Variants in ITPKB observed in about 807,000 individuals in gnomAD.
The protein encoded by ITPKB is inositol-trisphosphate 3-kinase B.
ITPKB carries 13 observed loss-of-function variants against 69.4 expected under a neutral mutation model. That is an observed-to-expected ratio of 0.19 (90% CI 0.12 to 0.30). The LOEUF is 0.30. Ranked by LOEUF, ITPKB falls within the 10% of genes least tolerant of loss-of-function variation. The pLI is 1.00. For missense variants in ITPKB, 1,240 were observed against 1,250.5 expected (o/e 0.99, Z 0.13); for synonymous variants, 584 against 513.7 (o/e 1.14, Z -1.85).
At chr1:226,636,467 T>G (rs923457146) in intron 7 of ITPKB, among the ~76,000 whole-genome samples, 3 of 152,240 alleles carry the variant, frequency 2.0e-5, no homozygotes, top group Non-Finnish European at 4.4e-5. Flanking sequence ...GTAGACCATC[T>G]GCCTGAGGAG....
At chr1:226,640,162 C>G (rs1440027050) in intron 5 of ITPKB, among the ~76,000 whole-genome samples, 1 of 152,188 alleles carries the variant, frequency 6.6e-6, no homozygotes, top group African/African-American at 2.4e-5. Flanking sequence ...TCTCTTCTTT[C>G]ACGTTTTCTG....
At chr1:226,686,859 T>C (rs1187248411) in intron 2 of ITPKB, among the ~76,000 whole-genome samples, 1 of 152,232 alleles carries the variant, frequency 6.6e-6, no homozygotes, top group African/African-American at 2.4e-5. Flanking sequence ...CTGACTTATC[T>C]GGCAATGGGA....
chr1:226,734,829 C>G (rs113762327), intron 2 of ITPKB, among the ~76,000 whole-genome samples: 11 of 152,312 alleles, frequency 7.2e-5, no homozygotes, highest in African/African-American at 2.6e-4. Context: ...GTACCTACTC[C>G]GGAGATAACA....
chr1:226,729,214 T>A (rs761724031), intron 2 of ITPKB, among the ~76,000 whole-genome samples: 28 of 152,178 alleles, frequency 1.8e-4, no homozygotes, highest in Non-Finnish European at 3.2e-4. Flanking sequence ...CCAGGCGCGG[T>A]GGCTCACGCC....
At chr1:226,732,288 C>T (rs556242779) in intron 2 of ITPKB, among the ~76,000 whole-genome samples, 141 of 152,222 alleles carry the variant, frequency 9.3e-4, no homozygotes, top group African/African-American at 3.3e-3. Context: ...GCCCAGGCTG[C>T]AGTGCAGTGG....
chr1:226,649,470 G>A (rs890897083), intron 2 of ITPKB, among the ~76,000 whole-genome samples: 1 of 145,384 alleles, frequency 6.9e-6, no homozygotes, highest in African/African-American at 2.5e-5. Flanking sequence ...ATATGTGCAT[G>A]TATGTGCATA....
At chr1:226,686,544 C>G (rs1267819561) in intron 2 of ITPKB, among the ~76,000 whole-genome samples, 1 of 152,218 alleles carries the variant, frequency 6.6e-6, no homozygotes, top group Admixed American at 6.5e-5. Context: ...TGCCCTGCCT[C>G]TGTGCATCCT....
chr1:226,686,434 G>C (rs1287936109), intron 2 of ITPKB, among the ~76,000 whole-genome samples: 1 of 152,200 alleles, frequency 6.6e-6, no homozygotes, highest in Non-Finnish European at 1.5e-5. Context: ...TTCTTGTTAA[G>C]TGTCAAGTCC....
chr1:226,705,030 T>C (rs1290787287), intron 2 of ITPKB, among the ~76,000 whole-genome samples: 2 of 152,184 alleles, frequency 1.3e-5, no homozygotes, highest in African/African-American at 4.8e-5. Flanking sequence ...ACAGCATCAG[T>C]AACTGGGATA....
intron 2 of ITPKB, among the ~76,000 whole-genome samples, chr1:226,731,377 G>A (rs1657584408): frequency 6.6e-6 from 1 of 152,118 alleles, no homozygotes; most frequent in Admixed American, 6.5e-5. Flanking sequence ...CCTTTCTTAT[G>A]GCAAAGAGAT....
chr1:226,696,997 G>A (rs1656504875), intron 2 of ITPKB, among the ~76,000 whole-genome samples: 1 of 152,214 alleles, frequency 6.6e-6, no homozygotes, highest in South Asian at 2.1e-4. Flanking sequence ...TCACAACCAC[G>A]AAGTTCATTC....
chr1:226,702,480 C>A (rs1229511174), intron 2 of ITPKB, among the ~76,000 whole-genome samples: 1 of 152,038 alleles, frequency 6.6e-6, no homozygotes, highest in Non-Finnish European at 1.5e-5. Context: ...GGATTCCCTT[C>A]TGCAGCGCTG....
At position 226,707,199 on chromosome 1, in the gene ITPKB, TA is replaced by T. The variant is rs1391790084; in HGVS notation, c.1932+28327del. The T allele has an allele frequency of 1.1e-5, 6 of 567,790 alleles. No individual in the cohort carries two copies. In the South Asian group the frequency reaches 4.7e-4, roughly 45 times the overall value. The allele number at this position is 567,790 out of a possible 1,614,324, so 35.2% of individuals were successfully genotyped here. A position where few individuals can be genotyped will look rare whatever the true frequency, so the allele number is the denominator to read the frequency against. Reference sequence around the variant, plus strand: ...GTACAATCTTTTTTTATTTTTTATTTATTTATTTATTTTTGAGATGGAGTTT... The same window carrying T: ...GTACAATCTTTTTTTATTTTTTATTTTTTATTTATTTTTGAGATGGAGTTT... On this transcript the variant is annotated intron_variant, in intron 2 of 7. Coordinates refer to ENST00000429204, the MANE Select transcript of ITPKB (RefSeq NM_002221.4).
intron 2 of ITPKB, among the ~76,000 whole-genome samples, chr1:226,728,983 A>AT (rs761792621): frequency 3.2e-4 from 49 of 151,970 alleles, no homozygotes; most frequent in Non-Finnish European, 4.4e-5. Flanking sequence ...TGCAGCAGGG[A>AT]TTTTTTCTCT....
At chr1:226,688,814 C>T (rs1383994204) in intron 2 of ITPKB, among the ~76,000 whole-genome samples, 1 of 152,198 alleles carries the variant, frequency 6.6e-6, no homozygotes, top group African/African-American at 2.4e-5. Context: ...AAGTCAAAGA[C>T]AGATGGGTAG....
Position 226,634,891 on chromosome 1 carries a change from G to T in ITPKB, c.2626-5C>A. 1 of 1,608,174 alleles carries T rather than the reference G, an allele frequency of 6.2e-7. No homozygotes were observed. The highest frequency in any genetic ancestry group is 1.1e-5 in the South Asian group (1 of 90,426). ...GAGGAGGGAGCTGCCAATGACCTGA[G>T]GAGAACATGGGGGTGAAGGGTGAGC... On this transcript the variant is annotated splice_polypyrimidine_tract_variant and splice_region_variant and intron_variant, in intron 7 of 7. Coordinates refer to ENST00000429204, the MANE Select transcript of ITPKB (RefSeq NM_002221.4). The surrounding 1 kb of genome is among the most constrained non-coding windows in gnomAD (Gnocchi z 6.3).
chr1:226,666,077 T>C (rs1163191235), intron 2 of ITPKB, among the ~76,000 whole-genome samples: 2 of 152,104 alleles, frequency 1.3e-5, no homozygotes, highest in Non-Finnish European at 2.9e-5. Context: ...ATGACAGACA[T>C]GACCGCAGAG....
chr1:226,726,254 T>A (rs1657406791), intron 2 of ITPKB, among the ~76,000 whole-genome samples: 1 of 152,180 alleles, frequency 6.6e-6, no homozygotes, highest in Admixed American at 6.5e-5. Context: ...ACAAAAAACA[T>A]TCTCAGAGGA....
chr1:226,737,762 T>G, intron 1 of ITPKB, 99 bp from the exon 2 acceptor site: 1 of 205,350 alleles, frequency 4.9e-6, no homozygotes. Context: ...GAACACAATC[T>G]ATCCGGGACC....
Sources: allele counts gnomAD v4.1 joint callset (sites outside exome capture counted in the v4.1 genomes callset), GRCh38; gene constraint gnomAD v4.1.1; non-coding constraint Gnocchi (gnomAD v3.1); transcripts MANE v1.5; gene names NCBI Gene and HGNC (gene_info 2026-07-23, HGNC 2026-07-21).